The following SNX29 variants were observed in gnomAD, a reference collection of about 807,000 sequenced individuals.
SNX29 encodes the protein sorting nexin 29.
Under a neutral mutation model 102.1 loss-of-function variants are expected in SNX29, and 78 were observed. The ratio of observed to expected loss-of-function variants is 0.76; its 90% CI spans 0.64 to 0.92. SNX29 has a LOEUF of 0.92. Among genes scored for constraint, SNX29 ranks in the 40% least tolerant of loss-of-function variants. SNX29 has a pLI of 0.00. For synonymous variants in SNX29, 580 were observed against 414.5 expected (o/e 1.40, Z -4.85); for missense variants, 1,280 against 1,061.7 (o/e 1.21, Z -2.86).
At position 12,305,992 on chromosome 16, in the gene SNX29, A is replaced by G. The variant is rs547469906; in HGVS notation, c.1782+27956A>G. 5.9e-5 allele frequency among the ~76,000 whole-genome samples: 9 copies of G among 152,072 alleles called. 1 individual carries two copies. In the South Asian group the frequency reaches 1.9e-3, roughly 32 times the overall value. ...TCATTTTAAATAGTCCTCGTTTTATACTGGAGGACACGGTTCTCTCTGTGG... is the reference window on the plus strand; with the variant it reads ...TCATTTTAAATAGTCCTCGTTTTATGCTGGAGGACACGGTTCTCTCTGTGG... On this transcript the variant is annotated intron_variant, in intron 15 of 20. Coordinates refer to ENST00000566228, the MANE Select transcript of SNX29 (RefSeq NM_032167.5).
intron 10 of SNX29, among the ~76,000 whole-genome samples, chr16:12,078,290 C>A (rs2051682121): frequency 1.3e-5 from 2 of 151,882 alleles, no homozygotes; most frequent in Non-Finnish European, 2.9e-5. Context: ...GTCTGGCCAA[C>A]TTGGCGAAAC....
intron 14 of SNX29, among the ~76,000 whole-genome samples, chr16:12,232,499 C>T (rs2077799454): frequency 6.6e-6 from 1 of 152,180 alleles, no homozygotes; most frequent in African/African-American, 2.4e-5. Flanking sequence ...CCAGGCTGGG[C>T]CACATAGTGA....
rs1332018056 is a variant in SNX29, at chr16:12,023,416, A to G, written c.123-3904A>G. 2.0e-5 allele frequency among the ~76,000 whole-genome samples: 3 copies of G among 150,710 alleles called. No individual in the cohort carries two copies. The East Asian group carries it at 5.8e-4, about 29-fold the overall frequency. On this transcript the variant is annotated intron_variant, in intron 3 of 20. Transcript: ENST00000566228. Reference sequence around the variant, plus strand: ...AAGTGAGACTCTGTCTCAAAAAAAAAAAAAAAAAAAAAGTAGCTGCGCATG... The same window carrying G: ...AAGTGAGACTCTGTCTCAAAAAAAAGAAAAAAAAAAAAGTAGCTGCGCATG...
chr16:12,028,396 C>T (rs2057250455), intron 4 of SNX29, among the ~76,000 whole-genome samples: 1 of 152,036 alleles, frequency 6.6e-6, no homozygotes, highest in Non-Finnish European at 1.5e-5. Flanking sequence ...TGGGGTCTTG[C>T]TCTGTTGCCC....
chr16:12,557,884 C>T (rs8048155), intron 20 of SNX29, among the ~76,000 whole-genome samples: 2 of 152,038 alleles, frequency 1.3e-5, no homozygotes, highest in Non-Finnish European at 2.9e-5. Context: ...AGGAGGGCCT[C>T]TGCAGGCAAC....
intron 11 of SNX29, among the ~76,000 whole-genome samples, chr16:12,122,891 A>G (rs1394536171): frequency 3.9e-5 from 6 of 152,106 alleles, no homozygotes; most frequent in Non-Finnish European, 8.8e-5. Flanking sequence ...TGGTGGCATA[A>G]TCTCGGCTCA....
intron 15 of SNX29, among the ~76,000 whole-genome samples, chr16:12,287,942 G>A (rs2079652603): frequency 6.6e-6 from 1 of 152,146 alleles, no homozygotes. Flanking sequence ...TGACCTGTTA[G>A]GTTTTTCATG....
At chr16:12,101,290 G>A (rs986371912) in intron 11 of SNX29, among the ~76,000 whole-genome samples, 4 of 112,050 alleles carry the variant, frequency 3.6e-5, no homozygotes, top group African/African-American at 1.2e-4. Context: ...TACCTTTGTG[G>A]CCCCCCCCAA....
In SNX29 at chr16:12,572,219, G is replaced by A. The variant is rs1441116317; in HGVS notation, c.*3590G>A. On this transcript the variant is annotated 3_prime_UTR_variant, in exon 21 of 21. Coordinates refer to ENST00000566228, the MANE Select transcript of SNX29 (RefSeq NM_032167.5). ...TAGTATTGTGCTTTAAAAACCAGAG[G>A]CTCCTGAAAGTCGTTTACACCAGGT... 5.0e-6 allele frequency: 5 copies of A among 998,394 alleles called. No homozygotes were observed. The highest frequency in any genetic ancestry group is 5.1e-5 in the East Asian group (1 of 19,426). 61.8% of individuals were successfully genotyped at this position (998,394 alleles called of 1,614,324 possible).
At chr16:12,533,395 C>G (rs1178615717) in intron 20 of SNX29, among the ~76,000 whole-genome samples, 1 of 152,172 alleles carries the variant, frequency 6.6e-6, no homozygotes, top group Non-Finnish European at 1.5e-5. Flanking sequence ...TCTTTCGCCC[C>G]TTTTGTGATG....
chr16:12,356,297 C>G lies in SNX29; in HGVS notation c.1899+18C>G, dbSNP rs148276577. ...GGGGACCGGTGAGTGTTTCCCCAAC[C>G]CTGTGTGTCTGTCAAGCCTCTGCTG... On this transcript the variant is annotated intron_variant, in intron 16 of 20. Coordinates refer to ENST00000566228, the MANE Select transcript of SNX29 (RefSeq NM_032167.5). 5,159 of 1,576,572 alleles carry G rather than the reference C, an allele frequency of 3.3e-3. 20 individuals carry two copies. The highest frequency in any genetic ancestry group is 4.1e-3 in the Non-Finnish European group (4,800 of 1,160,808).
chr16:12,127,931 C>T (rs2054288773), intron 12 of SNX29, among the ~76,000 whole-genome samples: 1 of 152,108 alleles, frequency 6.6e-6, no homozygotes, highest in Admixed American at 6.6e-5. Flanking sequence ...GATTCAACTG[C>T]CTCCCTGGGA....
chr16:12,554,186 C>G (rs530175122), intron 20 of SNX29, among the ~76,000 whole-genome samples: 9 of 152,306 alleles, frequency 5.9e-5, no homozygotes, highest in African/African-American at 2.2e-4. Context: ...TAAGTTCTGG[C>G]TTAAACCATT....
chr16:12,127,782 C>G (rs1276982157), intron 12 of SNX29, among the ~76,000 whole-genome samples: 1 of 152,130 alleles, frequency 6.6e-6, no homozygotes, highest in African/African-American at 2.4e-5. Context: ...TTGCAGGCAT[C>G]TGAGCACTTA....
chr16:12,560,335 C>T (rs146267363), intron 20 of SNX29, among the ~76,000 whole-genome samples: 30 of 152,126 alleles, frequency 2.0e-4, no homozygotes, highest in African/African-American at 5.3e-4. Flanking sequence ...CTGGGTTTAC[C>T]GAAGGGGGAT....
At chr16:12,231,714 A>G (rs993066734) in intron 14 of SNX29, among the ~76,000 whole-genome samples, 6 of 152,158 alleles carry the variant, frequency 3.9e-5, no homozygotes, top group Non-Finnish European at 1.5e-5. Flanking sequence ...TCGGGTTTCC[A>G]TATTGCTCCC....
intron 14 of SNX29, among the ~76,000 whole-genome samples, chr16:12,258,675 A>ATCAGAATTCCAGAGCCT (rs2142459321): frequency 6.6e-6 from 1 of 152,266 alleles, no homozygotes; most frequent in African/African-American, 2.4e-5. Context: ...CAGTGGTGGC[A>ATCAGAATTCCAGAGCCT]TCAGAATTCC....
chr16:12,413,646 A>C (rs2084500074), intron 18 of SNX29, among the ~76,000 whole-genome samples: 1 of 152,174 alleles, frequency 6.6e-6, no homozygotes, highest in Admixed American at 6.5e-5. Flanking sequence ...GCTGCTGTGC[A>C]GGGGAGACAG....
intron 7 of SNX29, among the ~76,000 whole-genome samples, chr16:12,050,265 A>C (rs980978873): frequency 3.9e-5 from 6 of 152,184 alleles, no homozygotes; most frequent in African/African-American, 1.4e-4. Context: ...GACAGATTGG[A>C]TTTTTGGAAT....
Sources: allele counts gnomAD v4.1 joint callset (sites outside exome capture counted in the v4.1 genomes callset), GRCh38; gene constraint gnomAD v4.1.1; transcripts MANE v1.5; gene names NCBI Gene and HGNC (gene_info 2026-07-23, HGNC 2026-07-21).